Variants in FOXP1 observed in about 807,000 individuals in gnomAD.
FOXP1 encodes the protein forkhead box protein P1.
A neutral mutation model predicts 98.2 loss-of-function variants in FOXP1; 15 were observed. The ratio of observed to expected loss-of-function variants is 0.15; its 90% confidence interval spans 0.10 to 0.24. The LOEUF (loss-of-function observed/expected upper bound fraction) is 0.24, where lower values mean the gene tolerates loss of function less well. FOXP1 is among the 10% of genes least tolerant of loss of function. FOXP1 has a pLI of 1.00. For missense variants in FOXP1, 633 were observed against 848.5 expected (o/e 0.75, Z 3.15); for synonymous variants, 371 against 314.5 (o/e 1.18, Z -1.90).
chr3:71,258,056 A>G (rs1243113609), intron 5 of FOXP1, among the ~76,000 whole-genome samples: 1 of 152,234 alleles, frequency 6.6e-6, no homozygotes, highest in Admixed American at 6.5e-5. Context: ...GCGCCTACGA[A>G]TATCTACATA....
intron 5 of FOXP1, among the ~76,000 whole-genome samples, chr3:71,208,924 C>T (rs1304104981): frequency 6.6e-6 from 1 of 152,170 alleles, no homozygotes; most frequent in African/African-American, 2.4e-5. Context: ...TTACATAGAT[C>T]AGCTGCTGAC....
chr3:71,363,933 T>C (rs1431465694), intron 3 of FOXP1, among the ~76,000 whole-genome samples: 3 of 152,104 alleles, frequency 2.0e-5, no homozygotes, highest in Admixed American at 1.3e-4. Flanking sequence ...GAATGCCTAG[T>C]TCCTGGAGAT....
intron 3 of FOXP1, among the ~76,000 whole-genome samples, chr3:71,472,440 C>T (rs74408255): frequency 7.3e-6 from 1 of 136,106 alleles, no homozygotes; most frequent in African/African-American, 2.7e-5. Context: ...TCATACTTTT[C>T]CTTTTTTTTT....
chr3:71,018,988 C>T (rs943982470), intron 11 of FOXP1, among the ~76,000 whole-genome samples: 3 of 152,138 alleles, frequency 2.0e-5, no homozygotes, highest in African/African-American at 7.2e-5. Context: ...TACCACACAC[C>T]CGCTGCATGT....
intron 3 of FOXP1, among the ~76,000 whole-genome samples, chr3:71,427,443 A>C (rs892120175): frequency 5.0e-4 from 76 of 152,220 alleles, no homozygotes; most frequent in Non-Finnish European, 4.7e-4. Context: ...AGAACTGGAA[A>C]CCATGCCGCA....
chr3:71,276,748 G>A (rs76147694), intron 5 of FOXP1, among the ~76,000 whole-genome samples: 1 of 152,018 alleles, frequency 6.6e-6, no homozygotes, highest in Non-Finnish European at 1.5e-5. Context: ...TCATTTCGGG[G>A]TGTTAGGAAT....
At chr3:71,229,599 G>A (rs1409972799) in intron 5 of FOXP1, among the ~76,000 whole-genome samples, 1 of 152,020 alleles carries the variant, frequency 6.6e-6, no homozygotes, top group Non-Finnish European at 1.5e-5. Flanking sequence ...GAAAAAAAGG[G>A]TTCTCAAAAT....
chr3:71,475,156 C>T (rs530391893), intron 3 of FOXP1, among the ~76,000 whole-genome samples: 1 of 152,188 alleles, frequency 6.6e-6, no homozygotes, highest in East Asian at 1.9e-4. Flanking sequence ...GCTTCTATTT[C>T]CAATGCCATC....
intron 20 of FOXP1, among the ~76,000 whole-genome samples, chr3:70,962,717 A>G (rs1055776163): frequency 2.3e-4 from 35 of 152,190 alleles, no homozygotes; most frequent in Non-Finnish European, 4.1e-4. Flanking sequence ...AGGTCTATCA[A>G]TCTTTTCATG....
intron 3 of FOXP1, among the ~76,000 whole-genome samples, chr3:71,459,117 T>C (rs2087778760): frequency 6.6e-6 from 1 of 152,202 alleles, no homozygotes; most frequent in South Asian, 2.1e-4. Flanking sequence ...ACTTTTCTTG[T>C]CAAATGACAG....
At position 71,133,998 on chromosome 3, in the gene FOXP1, G is replaced by T. The variant is rs116391533; in HGVS notation, c.181-21361C>A. ...CTTGTCCCTTAAACGGGAAGGCTTG[G>T]GTGTCTCCTTGTTTATTCCTTTGCC... On this transcript the variant is annotated intron_variant, in intron 6 of 20. Transcript: ENST00000649528. 1.2e-3 allele frequency among the ~76,000 whole-genome samples: 177 copies of T among 152,234 alleles called. 1 individual carries two copies. Among genetic ancestry groups the T allele is most frequent in the Non-Finnish European group, 2.1e-3 (145 of 68,018 alleles).
chr3:70,984,546 G>A (rs2039414626), intron 14 of FOXP1, among the ~76,000 whole-genome samples: 1 of 152,184 alleles, frequency 6.6e-6, no homozygotes, highest in South Asian at 2.1e-4. Flanking sequence ...TGGCAGGGAT[G>A]GGCCTTGCTC....
At chr3:71,359,101 G>A (rs1341993579) in intron 4 of FOXP1, 49 bp downstream of exon 4, 1 of 152,168 alleles carries the variant, frequency 6.6e-6, no homozygotes, top group Non-Finnish European at 1.5e-5. Context: ...CGCAAAGGTA[G>A]ATGGCAATTT....
At chr3:71,467,678 C>A (rs753218552) in intron 3 of FOXP1, among the ~76,000 whole-genome samples, 1 of 152,164 alleles carries the variant, frequency 6.6e-6, no homozygotes, top group Non-Finnish European at 1.5e-5. Context: ...ACAAAGACTG[C>A]CAATTAGCCC....
chr3:71,168,837 C>T (rs1037970981), intron 6 of FOXP1, among the ~76,000 whole-genome samples: 1 of 152,094 alleles, frequency 6.6e-6, no homozygotes, highest in Non-Finnish European at 1.5e-5. Context: ...ACCAAGGGGC[C>T]TAGATTTTTC....
intron 6 of FOXP1, among the ~76,000 whole-genome samples, chr3:71,134,449 G>T (rs2059719867): frequency 6.6e-6 from 1 of 152,166 alleles, no homozygotes; most frequent in African/African-American, 2.4e-5. Context: ...TGTTAGATAG[G>T]TATTGAGATA....
chr3:71,550,350 A>C (rs539972132), intron 2 of FOXP1, among the ~76,000 whole-genome samples: 27 of 152,362 alleles, frequency 1.8e-4, no homozygotes, highest in Admixed American at 2.0e-4. Context: ...CCGTGAGCTA[A>C]TATGTTATAT....
At chr3:71,526,076 G>A (rs865836842) in intron 2 of FOXP1, among the ~76,000 whole-genome samples, 32 of 152,010 alleles carry the variant, frequency 2.1e-4, no homozygotes, top group Admixed American at 6.6e-4. Flanking sequence ...AGCCAAGATC[G>A]CACCACTGCA....
chr3:71,573,885 A>G (rs1344011621), intron 2 of FOXP1: 2 of 152,224 alleles, frequency 1.3e-5, no homozygotes, highest in African/African-American at 4.8e-5. Context: ...CCCTAATGAA[A>G]TATCAGTTAA....
Sources: gnomAD v4.1 joint callset for allele counts (sites outside exome capture counted in the v4.1 genomes callset) on GRCh38, gnomAD v4.1.1 for gene constraint, MANE v1.5 for transcripts, NCBI Gene and HGNC (gene_info 2026-07-23, HGNC 2026-07-21) for gene names.